FSIP1: variants seen among roughly 807,000 people sequenced by gnomAD.
The protein encoded by FSIP1 is fibrous sheath interacting protein 1.
Under a neutral mutation model 60.9 loss-of-function variants are expected in FSIP1, and 65 were observed. That is an observed-to-expected ratio of 1.07 (90% CI 0.87 to 1.31). The LOEUF (loss-of-function observed/expected upper bound fraction) is 1.31, where lower values mean the gene tolerates loss of function less well. Ranked by LOEUF, FSIP1 falls within the 40% of genes most tolerant of loss-of-function variation. The probability of loss-of-function intolerance (pLI) is 0.00; values close to 1 mark genes in which losing one functional copy is unlikely to be tolerated. For synonymous variants in FSIP1, 209 were observed against 221.2 expected (o/e 0.94, Z 0.49); for missense variants, 675 against 665.5 (o/e 1.01, Z -0.16).
At chr15:39,764,796 A>T (rs971840667) in intron 4 of FSIP1, among the ~76,000 whole-genome samples, 1 of 152,238 alleles carries the variant, frequency 6.6e-6, no homozygotes, top group Admixed American at 6.5e-5. Context: ...CCAGCACAGG[A>T]AACAGTCAAC....
At position 39,726,872 on chromosome 15, in the gene FSIP1, C is replaced by A. The variant is rs1164708628; in HGVS notation, c.892-125G>T. On this transcript the variant is annotated intron_variant, in intron 8 of 11. Coordinates refer to ENST00000350221, the MANE Select transcript of FSIP1 (RefSeq NM_152597.5). ...ACACAAACACACACACACACACACA[C>A]AACACACACAAACAGAATTAACATT... 24 of 606,736 alleles carry A rather than the reference C, an allele frequency of 4.0e-5. No homozygotes were observed. In the Admixed American group the frequency reaches 7.1e-4, roughly 18 times the overall value. The allele number at this position is 606,736 out of a possible 1,614,324, so 37.6% of individuals were successfully genotyped here.
intron 3 of FSIP1, among the ~76,000 whole-genome samples, chr15:39,769,017 C>T (rs928256720): frequency 4.6e-5 from 7 of 152,284 alleles, no homozygotes; most frequent in East Asian, 1.9e-4. Flanking sequence ...CGGTGGCTCA[C>T]GCCTGTAATC....
intron 2 of FSIP1, among the ~76,000 whole-genome samples, chr15:39,771,804 T>C (rs1396649130): frequency 6.6e-6 from 1 of 152,190 alleles, no homozygotes. Context: ...CAAAAACATA[T>C]TTCTGCCAAA....
rs535039955 is a variant in FSIP1, at chr15:39,740,891, T to TTA, written c.655+912_655+913dup. On this transcript the variant is annotated intron_variant, in intron 6 of 11. Coordinates refer to ENST00000350221, the MANE Select transcript of FSIP1 (RefSeq NM_152597.5). Reference sequence around the variant, plus strand: ...TTACTCAAATTTAAGTTATATAAGCTTATAACTTAAGTTATTAAGTTATAT... The same window carrying TTA: ...TTACTCAAATTTAAGTTATATAAGCTTATATAACTTAAGTTATTAAGTTATAT... Among the ~76,000 whole-genome samples, 540 of 152,276 alleles carry TTA rather than the reference T, an allele frequency of 3.5e-3. 1 individual carries two copies. Among genetic ancestry groups the TTA allele is most frequent in the Non-Finnish European group, 5.5e-3 (377 of 68,030 alleles).
chr15:39,664,609 C>A (rs1471742535), intron 10 of FSIP1, among the ~76,000 whole-genome samples: 3 of 152,182 alleles, frequency 2.0e-5, no homozygotes, highest in African/African-American at 7.2e-5. Flanking sequence ...AACACACACA[C>A]CTGACCCCAA....
rs112074839 is a variant in FSIP1, at chr15:39,612,030, G to T, written c.1699+5705C>A. Among the ~76,000 whole-genome samples, 638 of 152,270 alleles carry T rather than the reference G, an allele frequency of 4.2e-3. 2 individuals are homozygous for T. Among genetic ancestry groups the T allele is most frequent in the African/African-American group, 0.014 (572 of 41,554 alleles). On this transcript the variant is annotated intron_variant, in intron 11 of 11. Coordinates refer to ENST00000350221, the MANE Select transcript of FSIP1 (RefSeq NM_152597.5). The stretch of plus-strand genomic sequence containing the variant: ...TAAATACATAAAGCAATTATTACAT[G>T]ATCTGAGAGATAGACTGCAATAGTA...
chr15:39,757,274 G>C (rs1897328852), intron 5 of FSIP1, among the ~76,000 whole-genome samples: 1 of 151,952 alleles, frequency 6.6e-6, no homozygotes, highest in African/African-American at 2.4e-5. Context: ...AATGAGTAAT[G>C]GGAAATTCAT....
At chr15:39,620,553 C>T (rs973664012) in intron 10 of FSIP1, among the ~76,000 whole-genome samples, 1 of 151,236 alleles carries the variant, frequency 6.6e-6, no homozygotes, top group Non-Finnish European at 1.5e-5. Flanking sequence ...ATTACTATAA[C>T]AAAAGTTAAA....
intron 10 of FSIP1, among the ~76,000 whole-genome samples, chr15:39,638,276 G>A (rs1263907057): frequency 6.6e-6 from 1 of 152,200 alleles, no homozygotes; most frequent in African/African-American, 2.4e-5. Context: ...AGCATGTTTA[G>A]AGTACATTAT....
intron 10 of FSIP1, among the ~76,000 whole-genome samples, chr15:39,674,160 TTC>T (rs1893837905): frequency 6.6e-6 from 1 of 151,904 alleles, no homozygotes; most frequent in Non-Finnish European, 1.5e-5. Context: ...GTTCATGCCA[TTC>T]TCCTGCCTCA....
At chr15:39,645,829 T>C (rs1334132212) in intron 10 of FSIP1, among the ~76,000 whole-genome samples, 1 of 152,112 alleles carries the variant, frequency 6.6e-6, no homozygotes, top group Admixed American at 6.5e-5. Context: ...CGGAGCGGGG[T>C]TGGGGCCGAG....
intron 10 of FSIP1, among the ~76,000 whole-genome samples, chr15:39,627,606 C>G (rs545996119): frequency 6.6e-6 from 1 of 151,978 alleles, no homozygotes; most frequent in Admixed American, 6.6e-5. Context: ...CACATGGTAT[C>G]TCTCTGCATA....
intron 3 of FSIP1, among the ~76,000 whole-genome samples, chr15:39,769,003 GGC>G (rs1897785450): frequency 6.6e-6 from 1 of 152,184 alleles, no homozygotes; most frequent in South Asian, 2.1e-4. Flanking sequence ...CTAAGGGCCG[GGC>G]GCGGTGGCTC....
intron 10 of FSIP1, among the ~76,000 whole-genome samples, chr15:39,687,790 C>CT (rs1894442585): frequency 6.6e-6 from 1 of 152,196 alleles, no homozygotes; most frequent in African/African-American, 2.4e-5. Flanking sequence ...TTTTAAGCCT[C>CT]TTCTCTAACT....
chr15:39,764,271 A>C (rs1897605867), intron 4 of FSIP1, among the ~76,000 whole-genome samples: 2 of 152,210 alleles, frequency 1.3e-5, no homozygotes, highest in South Asian at 4.1e-4. Context: ...TCCATTTATA[A>C]TTCTTGCTTC....
intron 10 of FSIP1, among the ~76,000 whole-genome samples, chr15:39,668,265 ATCT>A (rs10539255): frequency 0.021 from 3,101 of 150,734 alleles, 105 homozygotes; most frequent in African/African-American, 0.071. Flanking sequence ...GATTCAGTTA[ATCT>A]TCTTCATTCC....
intron 2 of FSIP1, among the ~76,000 whole-genome samples, chr15:39,772,960 A>G (rs1210204757): frequency 6.6e-6 from 1 of 152,022 alleles, no homozygotes; most frequent in Non-Finnish European, 1.5e-5. Context: ...AAACGCAAAT[A>G]CCTCATGAAA....
intron 9 of FSIP1, among the ~76,000 whole-genome samples, chr15:39,726,297 G>A (rs369019836): frequency 3.3e-5 from 5 of 152,220 alleles, no homozygotes; most frequent in Admixed American, 1.3e-4. Context: ...CAAAGGACTC[G>A]TGAGTGCCAT....
intron 10 of FSIP1, among the ~76,000 whole-genome samples, chr15:39,628,926 G>C (rs1054446834): frequency 6.6e-6 from 1 of 152,216 alleles, no homozygotes; most frequent in Non-Finnish European, 1.5e-5. Context: ...CCTGCGTGAA[G>C]CTGCGAGGAC....
Sources: allele counts gnomAD v4.1 joint callset (sites outside exome capture counted in the v4.1 genomes callset), GRCh38; gene constraint gnomAD v4.1.1; transcripts MANE v1.5; gene names NCBI Gene and HGNC (gene_info 2026-07-23, HGNC 2026-07-21).